Variants in DPP10 observed in about 807,000 individuals in gnomAD.
DPP10 encodes the protein inactive dipeptidyl peptidase 10.
A neutral mutation model predicts 120.9 loss-of-function variants in DPP10; 33 were observed. The ratio of observed to expected loss-of-function variants is 0.27; its 90% confidence interval spans 0.21 to 0.37. The LOEUF is 0.37. Among genes scored for constraint, DPP10 ranks in the 10% least tolerant of loss-of-function variants. DPP10 has a pLI of 1.00. For synonymous variants in DPP10, 337 were observed against 326.1 expected (o/e 1.03, Z -0.36); for missense variants, 816 against 942.8 (o/e 0.87, Z 1.76).
chr2:115,489,967 A>G (rs994874416), intron 3 of DPP10, among the ~76,000 whole-genome samples: 1 of 152,136 alleles, frequency 6.6e-6, no homozygotes, highest in Non-Finnish European at 1.5e-5. Context: ...TGATTCAAGC[A>G]TTTATTTCTT....
chr2:115,546,626 G>A (rs2079518531), intron 5 of DPP10, among the ~76,000 whole-genome samples: 1 of 152,014 alleles, frequency 6.6e-6, no homozygotes, highest in African/African-American at 2.4e-5. Flanking sequence ...TAGGTGTTAG[G>A]GTAGGATAAA....
intron 3 of DPP10, among the ~76,000 whole-genome samples, chr2:115,389,465 C>G (rs2067180816): frequency 6.6e-6 from 1 of 152,252 alleles, no homozygotes; most frequent in Non-Finnish European, 1.5e-5. Context: ...GGAATCATTG[C>G]TATTTTGTTA....
intron 1 of DPP10, among the ~76,000 whole-genome samples, chr2:114,813,998 C>T (rs972380929): frequency 3.3e-5 from 5 of 150,454 alleles, no homozygotes; most frequent in Non-Finnish European, 7.4e-5. Flanking sequence ...CACGAGCTGG[C>T]CATTAGCTCA....
intron 1 of DPP10, among the ~76,000 whole-genome samples, chr2:114,818,896 A>T (rs1685855859): frequency 6.6e-6 from 1 of 152,090 alleles, no homozygotes; most frequent in Non-Finnish European, 1.5e-5. Context: ...GGTTTTAATT[A>T]TTTTGTGCCA....
intron 1 of DPP10, among the ~76,000 whole-genome samples, chr2:114,834,559 G>GCACCTATGTATATATAAGCCATATCTACC (rs1687483934): frequency 7.9e-6 from 1 of 126,668 alleles, no homozygotes; most frequent in Admixed American, 8.1e-5. Flanking sequence ...CCATATCTAC[G>GCACCTATGTATATATAAGCCATATCTACC]CACCTATGTA....
intron 1 of DPP10, among the ~76,000 whole-genome samples, chr2:114,557,687 A>T (rs1238520341): frequency 2.6e-5 from 4 of 152,204 alleles, no homozygotes; most frequent in Admixed American, 2.6e-4. Flanking sequence ...AACTGTAGAA[A>T]GAAATAAGTT....
chr2:115,715,682 A>G (rs570140635), intron 7 of DPP10, among the ~76,000 whole-genome samples: 29 of 152,240 alleles, frequency 1.9e-4, no homozygotes, highest in Non-Finnish European at 4.0e-4. Flanking sequence ...AGTGAACTGT[A>G]TAATCATCAC....
intron 1 of DPP10, among the ~76,000 whole-genome samples, chr2:115,250,908 T>C (rs1345062390): frequency 6.6e-6 from 1 of 152,178 alleles, no homozygotes; most frequent in Non-Finnish European, 1.5e-5. Context: ...ACCATGACAG[T>C]CTTTTATGCC....
intron 1 of DPP10, among the ~76,000 whole-genome samples, chr2:114,599,209 G>T (rs912022629): frequency 6.6e-6 from 1 of 151,814 alleles, no homozygotes; most frequent in Non-Finnish European, 1.5e-5. Context: ...CTAAAGAAGA[G>T]AATGAAGTAG....
intron 21 of DPP10, among the ~76,000 whole-genome samples, chr2:115,826,261 A>G (rs1190747383): frequency 6.6e-6 from 1 of 152,194 alleles, no homozygotes; most frequent in Non-Finnish European, 1.5e-5. Context: ...GTTCAAAACA[A>G]TGACTTCCTA....
intron 1 of DPP10, among the ~76,000 whole-genome samples, chr2:114,522,040 C>T (rs1256429597): frequency 2.0e-4 from 29 of 142,768 alleles, no homozygotes; most frequent in African/African-American, 7.0e-4. Context: ...AGTGCAGTGG[C>T]GGGATCTCGG....
At chr2:115,771,399 T>G (rs72828583) in intron 13 of DPP10, among the ~76,000 whole-genome samples, 2,829 of 150,424 alleles carry the variant, frequency 0.019, 33 homozygotes, top group Non-Finnish European at 0.03. Flanking sequence ...TGATCCAAGT[T>G]TATTCATCAT....
intron 5 of DPP10, among the ~76,000 whole-genome samples, chr2:115,603,152 G>A (rs901534144): frequency 1.2e-4 from 18 of 150,460 alleles, no homozygotes; most frequent in South Asian, 6.3e-4. Flanking sequence ...GTGTGTGTGT[G>A]TGTGTGTGTG....
At chr2:115,375,340 G>A (rs888585960) in intron 3 of DPP10, among the ~76,000 whole-genome samples, 6 of 152,170 alleles carry the variant, frequency 3.9e-5, no homozygotes, top group African/African-American at 1.4e-4. Context: ...TAGCAAGAGT[G>A]ACCTTTGCTC....
intron 1 of DPP10, among the ~76,000 whole-genome samples, chr2:114,556,219 G>A (rs1688283370): frequency 8.7e-6 from 1 of 114,688 alleles, no homozygotes; most frequent in East Asian, 2.6e-4. Context: ...GAGAAACAGT[G>A]ATACATAGAT....
In DPP10 at chr2:114,693,364, T is replaced by C. The variant is rs529919983; in HGVS notation, c.60+250526T>C. Among the ~76,000 whole-genome samples, 13 of 152,094 alleles carry C rather than the reference T, an allele frequency of 8.5e-5. No homozygotes were observed. In the East Asian group the frequency reaches 2.5e-3, roughly 30 times the overall value. ...CTTAGTTTCACCAGATATGAAGTTC[T>C]AGGCTGGAAATTATTTTCTTCAAGA... is the stretch of plus-strand genomic sequence containing the variant. On this transcript the variant is annotated intron_variant, in intron 1 of 25. Coordinates refer to ENST00000410059, the MANE Select transcript of DPP10 (RefSeq NM_020868.6).
chr2:114,463,134 C>G (rs182749303), intron 1 of DPP10, among the ~76,000 whole-genome samples: 38 of 152,244 alleles, frequency 2.5e-4, no homozygotes, highest in Admixed American at 2.0e-3. Flanking sequence ...CTTCTAGGCC[C>G]TCTCAGTGGA....
At chr2:115,640,481 G>C (rs994691613) in intron 5 of DPP10, among the ~76,000 whole-genome samples, 4 of 150,768 alleles carry the variant, frequency 2.7e-5, no homozygotes, top group African/African-American at 9.8e-5. Flanking sequence ...AAAAAAAAAC[G>C]ACATCTTGAT....
rs893874463 is a variant in DPP10 at position 114,601,577 on chromosome 2, T to A, written c.60+158739T>A. On this transcript the variant is annotated intron_variant, in intron 1 of 25. Coordinates refer to ENST00000410059, the MANE Select transcript of DPP10 (RefSeq NM_020868.6). ...CAAGTTTTAATGATAGTATAAGCAG[T>A]ACATTGAAAGACAGCCAATAACATT... Among the ~76,000 whole-genome samples the A allele has an allele frequency of 7.9e-5, 12 of 152,042 alleles. No individual in the cohort carries two copies. The East Asian group carries it at 2.1e-3, about 27-fold the overall frequency.
Sources: gnomAD v4.1 joint callset for allele counts (sites outside exome capture counted in the v4.1 genomes callset) on GRCh38, gnomAD v4.1.1 for gene constraint, MANE v1.5 for transcripts, NCBI Gene and HGNC (gene_info 2026-07-23, HGNC 2026-07-21) for gene names.